Variants in TRIP4 observed in about 807,000 individuals in gnomAD.
The protein encoded by TRIP4 is thyroid hormone receptor interactor 4.
In TRIP4, 54 loss-of-function variants were observed where a neutral mutation model predicts 81.8. The observed-to-expected ratio is 0.66, with a 90% CI of 0.53 to 0.83. TRIP4 has a LOEUF of 0.83. Ranked by LOEUF, TRIP4 falls within the 40% of genes least tolerant of loss-of-function variation. The pLI is 0.00. For missense variants in TRIP4, 662 were observed against 683.6 expected (o/e 0.97, Z 0.35); for synonymous variants, 270 against 242.8 (o/e 1.11, Z -1.04).
intron 12 of TRIP4, among the ~76,000 whole-genome samples, chr15:64,447,776 A>C (rs1892665882): frequency 6.6e-6 from 1 of 152,158 alleles, no homozygotes; most frequent in Non-Finnish European, 1.5e-5. Context: ...CAGTTGTGCA[A>C]TTATGGCTCA....
intron 12 of TRIP4, chr15:64,450,654 A>AT (rs1036857108): frequency 9.4e-5 from 43 of 455,404 alleles, no homozygotes; most frequent in African/African-American, 4.4e-4. Context: ...CAAATGTCTG[A>AT]TTTTTTTTAG....
chr15:64,424,205 T>C (rs372479220), intron 10 of TRIP4, 50 bp downstream of exon 10: 125 of 1,606,384 alleles, frequency 7.8e-5, no homozygotes, highest in Non-Finnish European at 1.0e-4. Flanking sequence ...AGAGAAGTCA[T>C]TGACGTTCAT....
intron 9 of TRIP4, among the ~76,000 whole-genome samples, chr15:64,419,574 G>C (rs1376107432): frequency 1.3e-5 from 2 of 151,726 alleles, no homozygotes; most frequent in Admixed American, 1.3e-4. Flanking sequence ...TAGCCAGGCT[G>C]GTCTCGATCT....
At chr15:64,391,970 CAAAAAAA>C (rs35193532) in intron 1 of TRIP4, among the ~76,000 whole-genome samples, 1 of 23,246 alleles carries the variant, frequency 4.3e-5, no homozygotes. Flanking sequence ...GACTCTGTCT[CAAAAAAA>C]AAAAAAAAAA....
intron 11 of TRIP4, among the ~76,000 whole-genome samples, chr15:64,432,585 G>C (rs1174757390): frequency 6.6e-6 from 1 of 151,952 alleles, no homozygotes; most frequent in Non-Finnish European, 1.5e-5. Flanking sequence ...ACTCCAGCCT[G>C]GGTGACAGAG....
chr15:64,395,647 A>G (rs972341298), intron 3 of TRIP4, 116 bp downstream of exon 3: 10 of 1,215,864 alleles, frequency 8.2e-6, no homozygotes, highest in African/African-American at 4.6e-5. Context: ...CAACAAATGC[A>G]TGAATTTTAG....
At chr15:64,395,739 CTT>C (rs5813297) in intron 3 of TRIP4, among the ~76,000 whole-genome samples, 31 of 136,640 alleles carry the variant, frequency 2.3e-4, no homozygotes, top group South Asian at 1.9e-3. Context: ...GACATCTTTG[CTT>C]TTTTTTTTTT....
chr15:64,454,021 C>A (rs1892828502), intron 12 of TRIP4, among the ~76,000 whole-genome samples: 1 of 152,032 alleles, frequency 6.6e-6, no homozygotes, highest in Admixed American at 6.6e-5. Flanking sequence ...TGCCCAATTG[C>A]TGCAACAAAT....
intron 9 of TRIP4, 107 bp downstream of exon 9, chr15:64,418,835 A>G (rs1432887797): frequency 1.0e-6 from 1 of 1,003,472 alleles, no homozygotes; most frequent in Non-Finnish European, 1.4e-6. Flanking sequence ...ATGATTTATA[A>G]TACTCTTCAA....
intron 1 of TRIP4, among the ~76,000 whole-genome samples, chr15:64,392,829 G>T (rs746062031): frequency 3.5e-4 from 53 of 152,102 alleles, no homozygotes; most frequent in Non-Finnish European, 7.2e-4. Flanking sequence ...TGCCCAGGCT[G>T]GTCTCAAACT....
chr15:64,419,628 G>T (rs1349931533), intron 9 of TRIP4, among the ~76,000 whole-genome samples: 1 of 152,048 alleles, frequency 6.6e-6, no homozygotes, highest in African/African-American at 2.4e-5. Flanking sequence ...AAAGTGCTGG[G>T]ATTACAGACG....
chr15:64,444,260 A>G (rs1892576083), intron 11 of TRIP4, among the ~76,000 whole-genome samples: 1 of 152,206 alleles, frequency 6.6e-6, no homozygotes. Flanking sequence ...GGAAATAATG[A>G]AATTCCAGCT....
intron 8 of TRIP4, among the ~76,000 whole-genome samples, chr15:64,414,752 C>T (rs1337804479): frequency 4.0e-5 from 6 of 151,898 alleles, no homozygotes; most frequent in Admixed American, 3.3e-4. Context: ...CTCCTGACCT[C>T]GTGATCTACC....
chr15:64,417,476 T>C (rs1197657344), intron 8 of TRIP4, among the ~76,000 whole-genome samples: 1 of 150,856 alleles, frequency 6.6e-6, no homozygotes, highest in South Asian at 2.1e-4. Flanking sequence ...TTAAAAAAGA[T>C]AACCCCAAAT....
At chr15:64,418,407 C>T (rs533669263) in intron 8 of TRIP4, 134 bp from the exon 9 acceptor site, 16 of 1,036,680 alleles carry the variant, frequency 1.5e-5, no homozygotes, top group South Asian at 7.2e-5. Flanking sequence ...CCACGATGCC[C>T]GGCCTGGGAT....
chr15:64,436,408 A>G (rs1181971184), intron 11 of TRIP4, among the ~76,000 whole-genome samples: 1 of 152,030 alleles, frequency 6.6e-6, no homozygotes, highest in Non-Finnish European at 1.5e-5. Context: ...CCTGGGCAGC[A>G]TGGTGAAACC....
chr15:64,454,133 CTTTT>C (rs879675137), intron 12 of TRIP4, among the ~76,000 whole-genome samples: 2 of 134,502 alleles, frequency 1.5e-5, no homozygotes, highest in Admixed American at 7.5e-5. Context: ...TTTTTGTTTT[CTTTT>C]TTTTTTTTAG....
In TRIP4 at chr15:64,389,513, A is replaced by G. The variant is rs556930356; in HGVS notation, c.101+1549A>G. 3.3e-5 allele frequency among the ~76,000 whole-genome samples: 5 copies of G among 152,158 alleles called. No individual in the cohort carries two copies. In the South Asian group the frequency reaches 1.0e-3, roughly 32 times the overall value. On this transcript the variant is annotated intron_variant, in intron 1 of 12. Coordinates refer to ENST00000261884, the MANE Select transcript of TRIP4 (RefSeq NM_016213.5). ...AACAAGATAAAGGATTTTTTTTAAC[A>G]CTAGAATAGACAACAAAACAAAACA... is the stretch of plus-strand genomic sequence containing the variant.
chr15:64,432,470 C>A (rs1228808646), intron 11 of TRIP4, among the ~76,000 whole-genome samples: 1 of 151,722 alleles, frequency 6.6e-6, no homozygotes, highest in Non-Finnish European at 1.5e-5. Flanking sequence ...ATTAGCTGGG[C>A]ATGGTGGCGC....
Sources: gnomAD v4.1 joint callset for allele counts (sites outside exome capture counted in the v4.1 genomes callset) on GRCh38, gnomAD v4.1.1 for gene constraint, MANE v1.5 for transcripts, NCBI Gene and HGNC (gene_info 2026-07-23, HGNC 2026-07-21) for gene names.